Variants in LARGE1 observed in about 807,000 individuals in gnomAD.
LARGE1 encodes the protein xylosyl- and glucuronyltransferase LARGE1.
In LARGE1, 43 loss-of-function variants were observed where a neutral mutation model predicts 87.6. The ratio of observed to expected loss-of-function variants is 0.49; its 90% CI spans 0.38 to 0.63. LARGE1 has a LOEUF of 0.63. LARGE1 is among the 30% of genes least tolerant of loss of function. The pLI is 0.00. For synonymous variants in LARGE1, 434 were observed against 394.6 expected, an observed-to-expected ratio of 1.10 and a Z score of -1.18; for missense variants, 802 against 1,000.2, an observed-to-expected ratio of 0.80 and a Z score of 2.67.
chr22:33,397,303 C>T lies in LARGE1; in HGVS notation c.893-12999G>A, dbSNP rs142112937. Among the ~76,000 whole-genome samples, 1,477 of 152,108 alleles carry T rather than the reference C, an allele frequency of 9.7e-3. 16 individuals are homozygous for T. Among genetic ancestry groups the T allele is most frequent in the African/African-American group, 0.034 (1,411 of 41,486 alleles). ...GCTAATTTTGTATTTTTAGTAGAGA[C>T]GGGGTTTCTCCATGTTGGTCAGGCT... On this transcript the variant is annotated intron_variant, in intron 7 of 14. Coordinates refer to ENST00000397394, the MANE Select transcript of LARGE1 (RefSeq NM_133642.5).
chr22:33,339,983 C>T (rs766006069), intron 9 of LARGE1, among the ~76,000 whole-genome samples: 7 of 152,132 alleles, frequency 4.6e-5, no homozygotes, highest in Non-Finnish European at 1.0e-4. Flanking sequence ...TTTAATAGTA[C>T]TAAAATTTAT....
At chr22:33,599,194 G>A (rs1345150960) in intron 5 of LARGE1, among the ~76,000 whole-genome samples, 1 of 152,182 alleles carries the variant, frequency 6.6e-6, no homozygotes, top group Admixed American at 6.5e-5. Context: ...GAAGGGAAAA[G>A]TCAAATATCA....
At chr22:33,260,646 A>G (rs1417469132) in intron 11 of LARGE1, among the ~76,000 whole-genome samples, 1 of 152,214 alleles carries the variant, frequency 6.6e-6, no homozygotes, top group Non-Finnish European at 1.5e-5. Flanking sequence ...CGTTGCCTTC[A>G]GTGAACCGAG....
intron 1 of LARGE1, among the ~76,000 whole-genome samples, chr22:33,848,455 C>G (rs920292126): frequency 6.6e-6 from 1 of 152,086 alleles, no homozygotes; most frequent in African/African-American, 2.4e-5. Context: ...TGCACCCCTG[C>G]AGGCCACTGA....
intron 5 of LARGE1, among the ~76,000 whole-genome samples, chr22:33,579,482 T>C (rs2078450268): frequency 6.6e-6 from 1 of 152,170 alleles, no homozygotes; most frequent in Non-Finnish European, 1.5e-5. Flanking sequence ...CTTCTAAAAC[T>C]AACGGTTAGC....
At chr22:33,333,080 C>A (rs1346806868) in intron 10 of LARGE1, among the ~76,000 whole-genome samples, 1 of 148,892 alleles carries the variant, frequency 6.7e-6, no homozygotes, top group Non-Finnish European at 1.5e-5. Context: ...GATCTCGGCT[C>A]ACTGCAAGCT....
At position 33,712,427 on chromosome 22, in the gene LARGE1, C is replaced by A. The variant is rs561288623; in HGVS notation, c.106+48944G>T. Among the ~76,000 whole-genome samples the A allele has an allele frequency of 1.1e-4, 16 of 152,210 alleles. No individual in the cohort carries two copies. In the East Asian group the frequency reaches 3.1e-3, roughly 29 times the overall value. On this transcript the variant is annotated intron_variant, in intron 2 of 14. Coordinates refer to ENST00000397394, the MANE Select transcript of LARGE1 (RefSeq NM_133642.5). ...CTAGAGGAGACCAGCACAAGAGGGG[C>A]ATGTTCACTGAGGCCATGAACCCAC...
intron 11 of LARGE1, among the ~76,000 whole-genome samples, chr22:33,257,539 C>G (rs1244184305): frequency 1.3e-5 from 2 of 152,160 alleles, no homozygotes; most frequent in African/African-American, 4.8e-5. Context: ...GCCATTTTCT[C>G]TTGGCTGTGA....
intron 1 of LARGE1, among the ~76,000 whole-genome samples, chr22:33,808,660 C>T (rs1021322767): frequency 6.6e-6 from 1 of 152,218 alleles, no homozygotes; most frequent in Admixed American, 6.5e-5. Context: ...ACATGTGAGC[C>T]GGATCAATTT....
intron 9 of LARGE1, among the ~76,000 whole-genome samples, chr22:33,370,441 T>C (rs1317804006): frequency 6.6e-6 from 1 of 152,208 alleles, no homozygotes; most frequent in Non-Finnish European, 1.5e-5. Flanking sequence ...AAGAGGTTTT[T>C]TAAAAAATCA....
chr22:33,482,702 G>A (rs1182251323), intron 6 of LARGE1, among the ~76,000 whole-genome samples: 1 of 143,710 alleles, frequency 7.0e-6, no homozygotes, highest in Non-Finnish European at 1.5e-5. Flanking sequence ...AGAACTTAAA[G>A]TATAATAATA....
intron 6 of LARGE1, among the ~76,000 whole-genome samples, chr22:33,550,037 C>G (rs1287112818): frequency 6.6e-6 from 1 of 151,768 alleles, no homozygotes; most frequent in Non-Finnish European, 1.5e-5. Flanking sequence ...AGGAGAAATA[C>G]CTAATGTAAA....
At position 33,303,869 on chromosome 22, in the gene LARGE1, T is replaced by C. The variant is rs552563713; in HGVS notation, c.1730+360A>G. Among the ~76,000 whole-genome samples, 313 of 152,134 alleles carry C rather than the reference T, an allele frequency of 2.1e-3. 1 individual carries two copies. Among genetic ancestry groups the C allele is most frequent in the African/African-American group, 7.2e-3 (300 of 41,460 alleles). Reference sequence around the variant, plus strand: ...CGAACTCCTGACCTCGTGATCCACCTGCCTCAGCCTCCCAAAGTGCTAGGA... The same window carrying C: ...CGAACTCCTGACCTCGTGATCCACCCGCCTCAGCCTCCCAAAGTGCTAGGA... On this transcript the variant is annotated intron_variant, in intron 12 of 14. Transcript: ENST00000397394.
At position 33,910,826 on chromosome 22, in the gene LARGE1, G is replaced by A. The variant is rs958260603; in HGVS notation, c.-83+9169C>T. Among the ~76,000 whole-genome samples the A allele has an allele frequency of 3.3e-5, 5 of 152,216 alleles. No individual in the cohort carries two copies. The South Asian group carries it at 1.0e-3, about 32-fold the overall frequency. On this transcript the variant is annotated intron_variant, in intron 1 of 14. Coordinates refer to ENST00000397394, the MANE Select transcript of LARGE1 (RefSeq NM_133642.5). ...GTGGGAAAACAAGTGGCATTTTTAGGTGAAGCCTAGTAGGCTAGGAACAAA... is the reference window on the plus strand; with the variant it reads ...GTGGGAAAACAAGTGGCATTTTTAGATGAAGCCTAGTAGGCTAGGAACAAA...
intron 1 of LARGE1, among the ~76,000 whole-genome samples, chr22:33,874,090 T>C (rs544220973): frequency 3.3e-4 from 50 of 152,186 alleles, no homozygotes; most frequent in Admixed American, 2.8e-3. Context: ...AAGAAAATGG[T>C]ACATTATTTC....
chr22:33,570,305 A>G (rs879436669), intron 5 of LARGE1, among the ~76,000 whole-genome samples: 1 of 152,162 alleles, frequency 6.6e-6, no homozygotes, highest in Admixed American at 6.5e-5. Context: ...GGGCATGATA[A>G]AAGCAGCAAA....
At chr22:33,378,375 C>T (rs1309347713) in intron 9 of LARGE1, among the ~76,000 whole-genome samples, 1 of 152,172 alleles carries the variant, frequency 6.6e-6, no homozygotes, top group Non-Finnish European at 1.5e-5. Flanking sequence ...TCTTCTTCTA[C>T]ACTCTGAGTT....
At chr22:33,201,419 G>T (rs1362139838) in intron 11 of LARGE1, among the ~76,000 whole-genome samples, 2 of 120,530 alleles carry the variant, frequency 1.7e-5, no homozygotes, top group Middle Eastern at 4.4e-3. Flanking sequence ...AAAGAAGGAA[G>T]GAAGGAAGGA....
In LARGE1 at chr22:33,252,119, T is replaced by A. The variant is rs540691156; in HGVS notation, c.1730+52110A>T. ...AGAAATTTTTTATTACCTCTATATC[T>A]GGGATATACTGCATACTCAACAAAT... On this transcript the variant is annotated intron_variant, in intron 11 of 11. Coordinates refer to the LARGE1 transcript ENST00000608642. Among the ~76,000 whole-genome samples the A allele has an allele frequency of 2.6e-5, 4 of 152,322 alleles. No individual in the cohort carries two copies. The South Asian group carries it at 8.3e-4, about 32-fold the overall frequency.
Sources: allele counts gnomAD v4.1 joint callset (sites outside exome capture counted in the v4.1 genomes callset), GRCh38; gene constraint gnomAD v4.1.1; transcripts MANE v1.5; gene names NCBI Gene and HGNC (gene_info 2026-07-23, HGNC 2026-07-21).